The following KIF9 variants were observed in gnomAD, a reference collection of about 807,000 sequenced individuals.
The protein encoded by KIF9 is kinesin family member 9, also known as kinesin-like protein KIF9.
KIF9 carries 68 observed loss-of-function variants against 94.8 expected under a neutral mutation model. That is an observed-to-expected ratio of 0.72 (90% CI 0.59 to 0.88). KIF9 has a LOEUF of 0.88. Ranked by LOEUF, KIF9 falls within the 40% of genes least tolerant of loss-of-function variation. The pLI, the probability that KIF9 is intolerant of heterozygous loss-of-function variation, is 0.00. For missense variants in KIF9, 882 were observed against 982.5 expected (o/e 0.90, Z 1.37); for synonymous variants, 343 against 362.1 (o/e 0.95, Z 0.60).
Position 47,275,337 on chromosome 3 carries a change from C to T in KIF9, c.247G>A (p.Asp83Asn), listed in dbSNP as rs753586581. 2 of 1,610,786 alleles carry T rather than the reference C, an allele frequency of 1.2e-6. No individual in the cohort carries two copies. The highest frequency in any genetic ancestry group is 1.1e-5 in the South Asian group (1 of 90,286). ...TTAATTAAGTTACCATTATAGCCAT[C>T]GAGGGCCTGAGAAACCACATCCTTT... ...VAKDVVSQAL[D>N]GYNGTIMCYG... Residue 83 changes from aspartate to asparagine, a missense_variant, in exon 3 of 21, where the codon GAT (aspartate) becomes AAT (asparagine). Coordinates refer to ENST00000684063, the MANE Select transcript of KIF9 (RefSeq NM_182902.4).
intron 10 of KIF9, 58 bp downstream of exon 10, chr3:47,257,425 G>A (rs1700692772): frequency 6.8e-7 from 1 of 1,466,094 alleles, no homozygotes; most frequent in African/African-American, 1.4e-5. Flanking sequence ...TGTGACCCAA[G>A]CAGCAAACCC....
intron 2 of KIF9, among the ~76,000 whole-genome samples, chr3:47,275,997 G>A (rs1055353298): frequency 2.0e-5 from 3 of 152,140 alleles, no homozygotes; most frequent in Non-Finnish European, 4.4e-5. Context: ...ATGATGAAAT[G>A]AAAGCCACAG....
In KIF9 at chr3:47,267,237, G is replaced by C. The variant is rs1198738849; in HGVS notation, c.618C>G (p.Ser206=). The C allele has an allele frequency of 2.5e-6, 4 of 1,613,570 alleles. No homozygotes were observed. Among genetic ancestry groups the C allele is most frequent in the Non-Finnish European group, 3.4e-6 (4 of 1,179,530 alleles). Residue 206 remains serine (S), a synonymous_variant, in exon 6 of 21, where the codon TCC becomes TCG. Coordinates refer to ENST00000684063, the MANE Select transcript of KIF9 (RefSeq NM_182902.4). The part of the protein sequence containing the change: ...FEGETNRIIA[S]HTMNKNSSRS... ...TGGAAGAGTTTTTGTTCATAGTGTG[G>C]GAGGCTATAATCCTGTTGGTCTCAC...
intron 9 of KIF9, among the ~76,000 whole-genome samples, chr3:47,261,175 G>C (rs1450278266): frequency 6.6e-6 from 1 of 152,198 alleles, no homozygotes; most frequent in Non-Finnish European, 1.5e-5. Flanking sequence ...TGTGTGTGCT[G>C]ACTGGCCTCT....
chr3:47,234,436 G>T (rs1457855100), intron 20 of KIF9, among the ~76,000 whole-genome samples: 1 of 151,858 alleles, frequency 6.6e-6, no homozygotes, highest in Non-Finnish European at 1.5e-5. Flanking sequence ...GTTTCACCAT[G>T]TTGCCCAGGC....
At chr3:47,262,872 T>G (rs1360987829) in intron 9 of KIF9, among the ~76,000 whole-genome samples, 1 of 152,186 alleles carries the variant, frequency 6.6e-6, no homozygotes, top group Non-Finnish European at 1.5e-5. Flanking sequence ...TGTCTAATGA[T>G]AGCTTTCCTA....
At chr3:47,242,622 T>G (rs2107185376) in intron 16 of KIF9, among the ~76,000 whole-genome samples, 1 of 152,382 alleles carries the variant, frequency 6.6e-6, no homozygotes, top group South Asian at 2.1e-4. Context: ...AAATAAATGA[T>G]GAAATAAACA....
chr3:47,257,603 A>T (rs1422511149), intron 9 of KIF9, 43 bp from the exon 10 acceptor site: 14 of 1,553,526 alleles, frequency 9.0e-6, no homozygotes, highest in Non-Finnish European at 1.1e-5. Flanking sequence ...TCGCCACTAA[A>T]GTGAGACCCC....
intron 17 of KIF9, 97 bp from the exon 18 acceptor site, chr3:47,236,716 A>T: frequency 9.0e-7 from 1 of 1,106,548 alleles, no homozygotes; most frequent in Non-Finnish European, 1.3e-6. Context: ...CTGGCAAATC[A>T]TGAAGACAGG....
chr3:47,244,736 T>C, intron 15 of KIF9, 55 bp downstream of exon 15: 1 of 1,602,734 alleles, frequency 6.2e-7, no homozygotes, highest in South Asian at 1.1e-5. Context: ...CATCCTCCCA[T>C]GCACCCACCG....
chr3:47,238,716 A>G (rs1699235989), intron 17 of KIF9: 1 of 151,944 alleles, frequency 6.6e-6, no homozygotes, highest in Admixed American at 6.6e-5. Flanking sequence ...GCTGGAGTGC[A>G]GTGGCGCAAT....
intron 5 of KIF9, among the ~76,000 whole-genome samples, chr3:47,268,003 C>T (rs1701397108): frequency 6.6e-6 from 1 of 151,602 alleles, no homozygotes; most frequent in Non-Finnish European, 1.5e-5. Flanking sequence ...TCCTGAGTAG[C>T]TGGGACTACC....
chr3:47,239,735 G>A (rs1699325363), intron 17 of KIF9: 6 of 1,275,476 alleles, frequency 4.7e-6, no homozygotes, highest in Non-Finnish European at 6.2e-6. Context: ...TTACAAGTGT[G>A]TGCCACCACG....
chr3:47,257,591 G>C (rs1342454552), intron 9 of KIF9, 31 bp from the exon 10 acceptor site: 6 of 1,591,938 alleles, frequency 3.8e-6, no homozygotes, highest in Non-Finnish European at 5.2e-6. Flanking sequence ...ACATTAGATG[G>C]CTCGCCACTA....
chr3:47,277,574 G>C (rs569475356), intron 1 of KIF9, among the ~76,000 whole-genome samples, 195 bp from the exon 2 acceptor site: 58 of 152,054 alleles, frequency 3.8e-4, no homozygotes, highest in African/African-American at 1.4e-3. Context: ...ACAAATACAC[G>C]CACTTTCTGC....
At chr3:47,243,340 G>A in intron 15 of KIF9, 95 bp from the exon 16 acceptor site, 1 of 998,366 alleles carries the variant, frequency 1.0e-6, no homozygotes, top group South Asian at 2.0e-5. Context: ...ACTACACTGG[G>A]AACCCCACCT....
chr3:47,245,888 T>C (rs1699893419), intron 13 of KIF9: 1 of 478,254 alleles, frequency 2.1e-6, no homozygotes, highest in Non-Finnish European at 3.8e-6. Flanking sequence ...GCTCAGACTA[T>C]GGGTATGTTT....
Position 47,243,227 on chromosome 3 carries a change from T to C in KIF9, c.1533A>G (p.Glu511=). The stretch of plus-strand genomic sequence containing the variant: ...TCCCATTCACAGGGCTGCTGGCACC[T>C]TCCTTTCTTGCCAAGGAGCTGGAAG... ...KEPLSSLARK[E]GASSPVNGKD... is the part of the protein sequence containing the mutation. Residue 511 remains glutamate, a synonymous_variant, in exon 16 of 21, where the codon GAA becomes GAG. Coordinates refer to ENST00000684063, the MANE Select transcript of KIF9 (RefSeq NM_182902.4). 3 of 1,610,090 alleles carry C rather than the reference T, an allele frequency of 1.9e-6. No individual in the cohort carries two copies. The highest frequency in any genetic ancestry group is 2.5e-6 in the Non-Finnish European group (3 of 1,177,140).
At chr3:47,265,987 G>C in intron 7 of KIF9, 110 bp from the exon 8 acceptor site, 6 of 1,166,588 alleles carry the variant, frequency 5.1e-6, no homozygotes, top group Non-Finnish European at 7.4e-6. Context: ...TCAGGTCAGC[G>C]CCTCCTTCCC....
Sources: gnomAD v4.1 joint callset for allele counts (sites outside exome capture counted in the v4.1 genomes callset) on GRCh38, gnomAD v4.1.1 for gene constraint, MANE v1.5 for transcripts, NCBI Gene and HGNC (gene_info 2026-07-23, HGNC 2026-07-21) for gene names.